Variants in NELFCD observed in about 807,000 individuals in gnomAD.
NELFCD encodes negative elongation factor C/D.
Under a neutral mutation model 72.9 loss-of-function variants are expected in NELFCD, and 48 were observed. The ratio of observed to expected loss-of-function variants is 0.66; its 90% CI spans 0.52 to 0.84. The LOEUF (loss-of-function observed/expected upper bound fraction) is 0.84, where lower values mean the gene tolerates loss of function less well. Ranked by LOEUF, NELFCD falls within the 40% of genes least tolerant of loss-of-function variation. NELFCD has a pLI of 0.00. For synonymous variants in NELFCD, 297 were observed against 280.6 expected (o/e 1.06, Z -0.59); for missense variants, 538 against 723.8 (o/e 0.74, Z 2.94).
At chr20:58,991,188 T>C in intron 8 of NELFCD, 113 bp downstream of exon 8, 1 of 1,550,278 alleles carries the variant, frequency 6.5e-7, no homozygotes, top group Non-Finnish European at 8.8e-7. Flanking sequence ...GTCCTGGTCC[T>C]TCCTCAGTCA....
At chr20:58,994,422 G>T (rs1309094893) in intron 14 of NELFCD, among the ~76,000 whole-genome samples, 183 bp downstream of exon 14, 1 of 152,082 alleles carries the variant, frequency 6.6e-6, no homozygotes, top group Non-Finnish European at 1.5e-5. Flanking sequence ...CATTAGCTGG[G>T]CATGGTGGCA....
At chr20:58,988,557 C>G (rs984140231) in intron 4 of NELFCD, among the ~76,000 whole-genome samples, 2 of 152,242 alleles carry the variant, frequency 1.3e-5, no homozygotes, top group South Asian at 4.1e-4. Flanking sequence ...GGCCAGAACA[C>G]CTGTGCCATT....
At position 58,989,471 on chromosome 20, in the gene NELFCD, C is replaced by G. The variant is rs968950234; in HGVS notation, c.505-17C>G. The G allele has an allele frequency of 1.2e-6, 2 of 1,611,492 alleles. No individual in the cohort carries two copies. Among genetic ancestry groups the G allele is most frequent in the African/African-American group, 2.7e-5 (2 of 74,878 alleles). On this transcript the variant is annotated splice_polypyrimidine_tract_variant and intron_variant, in intron 5 of 14. Coordinates refer to ENST00000652272, the MANE Select transcript of NELFCD (RefSeq NM_198976.4). ...TCACTGCATGCCTCCCCTCTGACTT[C>G]TTGTTTTGTGTCCTAGCTTATTTCT...
At chr20:58,987,039 G>C in intron 3 of NELFCD, 176 bp downstream of exon 3, 1 of 542,420 alleles carries the variant, frequency 1.8e-6, no homozygotes, top group Non-Finnish European at 3.2e-6. Context: ...ATTTGTATCT[G>C]CTTGCCTCTT....
chr20:58,986,444 C>T lies in NELFCD; in HGVS notation c.176+236C>T. 1.8e-6 allele frequency: 1 copy of T among 555,676 alleles called. No homozygotes were observed. The highest frequency in any genetic ancestry group is 3.1e-6 in the Non-Finnish European group (1 of 317,470). 34.4% of individuals were successfully genotyped at this position (555,676 alleles called of 1,614,324 possible). ...GCAGCTTCAGCCTCCTGGAATCAAG[C>T]AGTTCTCCCACCTCAGCCTTGCAAG... is the stretch of plus-strand genomic sequence containing the variant. On this transcript the variant is annotated intron_variant, in intron 2 of 14. Transcript: ENST00000652272. This position sits in a 1 kb window ranked among gnomAD's most constrained non-coding sequence, Gnocchi z 4.4.
chr20:58,983,746 AT>A (rs201004926), intron 1 of NELFCD, among the ~76,000 whole-genome samples: 2,697 of 152,276 alleles, frequency 0.018, 39 homozygotes, highest in Middle Eastern at 0.034. Flanking sequence ...GCTTTGAGTC[AT>A]AAAGTGTTAG....
At chr20:58,990,350 A>C (rs918981082) in intron 7 of NELFCD, 2 of 213,372 alleles carry the variant, frequency 9.4e-6, no homozygotes, top group Non-Finnish European at 1.9e-5. Context: ...TGGTCAGCCA[A>C]GATTGCACCA....
intron 8 of NELFCD, 25 bp from the exon 9 acceptor site, chr20:58,991,287 G>A (rs751009368): frequency 1.5e-5 from 25 of 1,613,792 alleles, no homozygotes; most frequent in Non-Finnish European, 1.9e-5. Context: ...CTGCCATCCC[G>A]AACTGGGCAT....
At position 58,988,752 on chromosome 20, in the gene NELFCD, G is replaced by A. The variant is rs150838414; in HGVS notation, c.397-162G>A. Among the ~76,000 whole-genome samples, 1,315 of 152,268 alleles carry A rather than the reference G, an allele frequency of 8.6e-3. 11 individuals carry two copies. The highest frequency in any genetic ancestry group is 0.014 in the Admixed American group (219 of 15,292). ...CTAGGGACCTTTCTGTCACTCAGCC[G>A]ACTGTGTGGCTGTGGCCAGCTCTGG... On this transcript the variant is annotated intron_variant, in intron 4 of 14. Coordinates refer to ENST00000652272, the MANE Select transcript of NELFCD (RefSeq NM_198976.4).
chr20:58,989,427 G>C (rs757897061), intron 5 of NELFCD, 61 bp from the exon 6 acceptor site: 122 of 1,591,408 alleles, frequency 7.7e-5, no homozygotes, highest in Non-Finnish European at 1.0e-4. Flanking sequence ...TGACAAGCCA[G>C]CTTCCCGTGG....
intron 9 of NELFCD, 108 bp downstream of exon 9, chr20:58,991,554 A>G (rs955863949): frequency 1.6e-6 from 2 of 1,272,484 alleles, no homozygotes; most frequent in African/African-American, 1.5e-5. Context: ...CCTCCCTAGT[A>G]TCAGGCATGT....
intron 7 of NELFCD, chr20:58,990,596 A>C (rs2091808667): frequency 4.0e-6 from 1 of 251,776 alleles, no homozygotes; most frequent in South Asian, 7.6e-5. Context: ...GTAACAAACA[A>C]AGTCAGTCCA....
intron 10 of NELFCD, 68 bp from the exon 11 acceptor site, chr20:58,992,930 T>G: frequency 8.6e-7 from 1 of 1,169,228 alleles, no homozygotes; most frequent in South Asian, 1.2e-5. Flanking sequence ...AACTTTCCTT[T>G]AATGCTTTTC....
intron 7 of NELFCD, 193 bp from the exon 8 acceptor site, chr20:58,990,717 T>C: frequency 1.8e-6 from 1 of 549,856 alleles, no homozygotes; most frequent in Non-Finnish European, 3.2e-6. Context: ...GTGTGACTCC[T>C]TTCTTATAGA....
intron 1 of NELFCD, among the ~76,000 whole-genome samples, chr20:58,984,221 A>T (rs746713632): frequency 6.6e-6 from 1 of 152,144 alleles, no homozygotes; most frequent in Non-Finnish European, 1.5e-5. Flanking sequence ...GAGTGGTGAG[A>T]GGTCAGAACG....
chr20:58,986,166 G>A lies in NELFCD; in HGVS notation c.134G>A (p.Arg45Gln), dbSNP rs144656284. Residue 45 changes from arginine to glutamine, a missense_variant, in exon 2 of 15, where the codon CGG becomes CAG. Physicochemically the swap from Arg to Gln is conservative, Grantham distance 43. Coordinates refer to ENST00000652272, the MANE Select transcript of NELFCD (RefSeq NM_198976.4). This position sits in a 1 kb window ranked among gnomAD's most constrained non-coding sequence, Gnocchi z 4.4. ...QQECLHKFST[R>Q]DYIMEPSIFN... is the part of the protein sequence containing the mutation. ...GAATGCCTGCATAAATTTTCCACCC[G>A]GGATTATATCATGGAACCCTCCATC... 1,578 of 1,613,836 alleles carry A rather than the reference G, an allele frequency of 9.8e-4. 5 individuals are homozygous for A. Among genetic ancestry groups the A allele is most frequent in the Non-Finnish European group, 1.1e-3 (1,243 of 1,179,746 alleles).
chr20:58,989,662 C>T lies in NELFCD; in HGVS notation c.657+22C>T, dbSNP rs754224780. 3.1e-6 allele frequency: 5 copies of T among 1,614,070 alleles called. No homozygotes were observed. In the East Asian group the frequency reaches 8.9e-5, roughly 29 times the overall value. On this transcript the variant is annotated intron_variant, in intron 6 of 14. Coordinates refer to ENST00000652272, the MANE Select transcript of NELFCD (RefSeq NM_198976.4). ...TGCCGTAAGTTCTTTCTTTATGAAC[C>T]TCAGATTAGAAGGAGGCTGCTTTGG...
chr20:58,986,593 TCTGC>T lies in NELFCD; in HGVS notation c.177-158_177-155del, dbSNP rs1228962516. The T allele has an allele frequency of 7.4e-6, 5 of 676,700 alleles. No homozygotes were observed. The highest frequency in any genetic ancestry group is 1.8e-5 in the African/African-American group (1 of 55,022). 41.9% of individuals were successfully genotyped at this position (676,700 alleles called of 1,614,324 possible). Reference sequence around the variant, plus strand: ...CCTAGGCTCAAGTGATTCTCCCACCTCTGCCTCCCAAAGTGCTGGGATTACAGGT... The same window carrying T: ...CCTAGGCTCAAGTGATTCTCCCACCTCTCCCAAAGTGCTGGGATTACAGGT... On this transcript the variant is annotated intron_variant, in intron 2 of 14. Coordinates refer to ENST00000652272, the MANE Select transcript of NELFCD (RefSeq NM_198976.4). This position sits in a 1 kb window ranked among gnomAD's most constrained non-coding sequence, Gnocchi z 4.4.
chr20:58,994,760 C>A lies in NELFCD; in HGVS notation c.*84C>A. The A allele has an allele frequency of 8.3e-7, 1 of 1,197,824 alleles. No individual in the cohort carries two copies. The highest frequency in any genetic ancestry group is 1.2e-6 in the Non-Finnish European group (1 of 814,828). 74.2% of individuals were successfully genotyped at this position (1,197,824 alleles called of 1,614,324 possible). On this transcript the variant is annotated 3_prime_UTR_variant, in exon 15 of 15. Coordinates refer to ENST00000652272, the MANE Select transcript of NELFCD (RefSeq NM_198976.4). ...TTTCAAGAAGCTGTTTTAAGAGGCT[C>A]GGGCAGCGTCTTGAAAATGGGCACC... is the stretch of plus-strand genomic sequence containing the variant.
Sources: allele counts gnomAD v4.1 joint callset (sites outside exome capture counted in the v4.1 genomes callset), GRCh38; gene constraint gnomAD v4.1.1; non-coding constraint Gnocchi (gnomAD v3.1); transcripts MANE v1.5; gene names NCBI Gene and HGNC (gene_info 2026-07-23, HGNC 2026-07-21).